Variants in TASOR observed in about 807,000 individuals in gnomAD.
TASOR encodes the protein protein TASOR.
A neutral mutation model predicts 178.6 loss-of-function variants in TASOR; 53 were observed. The ratio of observed to expected loss-of-function variants is 0.30; its 90% CI spans 0.24 to 0.37. The LOEUF (loss-of-function observed/expected upper bound fraction) is 0.37. TASOR is among the 10% of genes least tolerant of loss of function. The probability of loss-of-function intolerance (pLI) is 1.00; values close to 1 mark genes in which losing one functional copy is unlikely to be tolerated. For synonymous variants in TASOR, 713 were observed against 696.2 expected (o/e 1.02, Z -0.38); for missense variants, 1,815 against 1,971.4 (o/e 0.92, Z 1.50).
chr3:56,655,692 G>A (rs2077455218), intron 11 of TASOR, among the ~76,000 whole-genome samples: 1 of 152,030 alleles, frequency 6.6e-6, no homozygotes, highest in African/African-American at 2.4e-5. Context: ...AGGCTGAGGT[G>A]GGAGAATCAC....
intron 13 of TASOR, among the ~76,000 whole-genome samples, chr3:56,648,159 G>A (rs186176144): frequency 4.6e-5 from 7 of 151,814 alleles, no homozygotes; most frequent in East Asian, 3.9e-4. Context: ...TGTATGTAGT[G>A]AGCCATGATC....
Position 56,624,546 on chromosome 3 carries a change from A to G in TASOR, c.4416T>C (p.Tyr1472=). ...GGTTTTCTTCTGTGATTGAATTGTGATAGCCCACAAGATTTTTAAAGTTTT... is the reference window on the plus strand; with the variant it reads ...GGTTTTCTTCTGTGATTGAATTGTGGTAGCCCACAAGATTTTTAAAGTTTT... ...FMQNFKNLVG[Y]HNSITEENLP... The change falls in exon 23 of 24, where the codon TAT becomes TAC. Residue 1472 remains tyrosine (Y), a synonymous_variant. Transcript: ENST00000683822. 1 of 1,614,118 alleles carries G rather than the reference A, an allele frequency of 6.2e-7. No individual in the cohort carries two copies. The highest frequency in any genetic ancestry group is 8.5e-7 in the Non-Finnish European group (1 of 1,179,980).
intron 20 of TASOR, 147 bp from the exon 21 acceptor site, chr3:56,627,292 T>C (rs2029464): frequency 1.6e-6 from 1 of 625,750 alleles, no homozygotes; most frequent in Non-Finnish European, 2.8e-6. Context: ...GAGACAGATC[T>C]ATACATGCCT....
intron 11 of TASOR, among the ~76,000 whole-genome samples, chr3:56,655,299 A>C (rs2077446508): frequency 6.6e-6 from 1 of 152,182 alleles, no homozygotes; most frequent in Non-Finnish European, 1.5e-5. Context: ...TGGAAAAAGA[A>C]GTAGTATATA....
Position 56,668,559 on chromosome 3 carries a change from C to G in TASOR, c.736-1G>C. 2 of 1,532,246 alleles carry G rather than the reference C, an allele frequency of 1.3e-6. No homozygotes were observed. Among genetic ancestry groups the G allele is most frequent in the African/African-American group, 1.4e-5 (1 of 71,890 alleles). 94.9% of individuals were successfully genotyped at this position (1,532,246 alleles called of 1,614,324 possible). On this transcript the variant is annotated splice_acceptor_variant, in intron 5 of 23. Transcript: ENST00000683822. LOFTEE classifies it high-confidence loss of function. The stretch of plus-strand genomic sequence containing the variant: ...GGTCATATATACTCTTTATTTTACC[C>G]TAAAATAGAGAAAACCTTTTAAGTG...
chr3:56,621,708 A>C lies in TASOR; in HGVS notation c.*1329T>G. The C allele has an allele frequency of 1.2e-6, 1 of 824,656 alleles. No homozygotes were observed. The highest frequency in any genetic ancestry group is 1.9e-6 in the Non-Finnish European group (1 of 529,556). The allele number at this position is 824,656 out of a possible 1,614,324, so 51.1% of individuals were successfully genotyped here. ...CTCAACTGTATTTTTCAAATAGCCT[A>C]GATTTACTTATTTTTTTAAATGCTC... is the stretch of plus-strand genomic sequence containing the variant. On this transcript the variant is annotated 3_prime_UTR_variant, in exon 24 of 24. Coordinates refer to ENST00000683822, the MANE Select transcript of TASOR (RefSeq NM_001365635.2).
At chr3:56,661,056 A>G in intron 9 of TASOR, 39 bp from the exon 10 acceptor site, 1 of 1,375,432 alleles carries the variant, frequency 7.3e-7, no homozygotes, top group Non-Finnish European at 1.0e-6. Context: ...CCTTATCTGT[A>G]TTTTCAACTC....
At chr3:56,627,548 G>C (rs767685645) in intron 20 of TASOR, 34 bp downstream of exon 20, 2 of 1,608,324 alleles carry the variant, frequency 1.2e-6, no homozygotes, top group South Asian at 2.2e-5. Context: ...AGAGTCAGAA[G>C]AGGAGTTACG....
chr3:56,682,526 C>A (rs1410338432), intron 1 of TASOR, 150 bp downstream of exon 1: 15 of 689,542 alleles, frequency 2.2e-5, no homozygotes. Context: ...AACGCGGCAG[C>A]TGGGCGGCCG....
intron 9 of TASOR, among the ~76,000 whole-genome samples, chr3:56,661,868 TA>T (rs2077603191): frequency 6.6e-6 from 1 of 152,198 alleles, no homozygotes; most frequent in South Asian, 2.1e-4. Flanking sequence ...CTCACGCCTG[TA>T]ATCCCAACAC....
intron 1 of TASOR, among the ~76,000 whole-genome samples, chr3:56,680,573 A>AT (rs11391653): frequency 0.62 from 93,699 of 151,850 alleles, 31,518 homozygotes; most frequent in East Asian, 0.96. Context: ...CTGTTTTTGA[A>AT]TTTTTTTAAT....
chr3:56,646,326 C>A (rs1479644385), intron 14 of TASOR, among the ~76,000 whole-genome samples, 196 bp downstream of exon 14: 1 of 152,174 alleles, frequency 6.6e-6, no homozygotes, highest in Admixed American at 6.5e-5. Flanking sequence ...TCAGTGCCAA[C>A]TCTGCCATGA....
At chr3:56,640,522 A>C (rs2077099491) in intron 15 of TASOR, among the ~76,000 whole-genome samples, 1 of 152,190 alleles carries the variant, frequency 6.6e-6, no homozygotes, top group Admixed American at 6.5e-5. Flanking sequence ...TTGATTTAAA[A>C]TACAAAAGAT....
intron 1 of TASOR, among the ~76,000 whole-genome samples, chr3:56,676,652 T>G (rs1419911495): frequency 6.6e-6 from 1 of 152,246 alleles, no homozygotes; most frequent in Non-Finnish European, 1.5e-5. Context: ...ATCACATGGC[T>G]GCCAATTTCT....
intron 15 of TASOR, among the ~76,000 whole-genome samples, chr3:56,640,826 A>G (rs952115774): frequency 5.9e-5 from 9 of 152,198 alleles, no homozygotes; most frequent in Non-Finnish European, 1.2e-4. Context: ...AACATATATC[A>G]TAAATATACT....
At position 56,682,896 on chromosome 3, in the gene TASOR, G is replaced by A. The variant is rs914914891; in HGVS notation, c.111C>T (p.Ser37=). 1 of 1,539,632 alleles carries A rather than the reference G, an allele frequency of 6.5e-7. No individual in the cohort carries two copies. The highest frequency in any genetic ancestry group is 1.4e-5 in the African/African-American group (1 of 72,714). Residue 37 remains serine, a synonymous_variant, in exon 1 of 24, where the codon TCC becomes TCT. Transcript: ENST00000683822. ...GGCCGCCGCCGCCGCCATTTTGTTG[G>A]GAGGACTCAAGCTCCGGAAGCGCCT... ...MKQALPELES[S]QQNGGGGGLN...
chr3:56,680,069 G>A (rs573964411), intron 1 of TASOR, among the ~76,000 whole-genome samples: 137 of 152,226 alleles, frequency 9.0e-4, no homozygotes, highest in African/African-American at 3.2e-3. Flanking sequence ...GTTACTAACA[G>A]GTCAGGTCAA....
In TASOR at chr3:56,683,043, A is replaced by G. The variant is rs891349361; in HGVS notation, c.-37T>C. ...AAGGAGCTCTGGGAAGCTTCTGCCC[A>G]CAAGGTCGACGGGTGTGGGGGGAAG... On this transcript the variant is annotated 5_prime_UTR_variant, in exon 1 of 24. Transcript: ENST00000683822. 8 of 1,481,132 alleles carry G rather than the reference A, an allele frequency of 5.4e-6. No individual in the cohort carries two copies. Among genetic ancestry groups the G allele is most frequent in the Admixed American group, 4.7e-5 (2 of 42,258 alleles). The allele number at this position is 1,481,132 out of a possible 1,614,324, so 91.7% of individuals were successfully genotyped here. A position where few individuals can be genotyped will look rare whatever the true frequency, so the allele number is the denominator to read the frequency against.
intron 2 of TASOR, 135 bp downstream of exon 2, chr3:56,673,433 CAAAAAAAAAAAA>C (rs5849162): frequency 2.2e-4 from 42 of 194,766 alleles, no homozygotes; most frequent in Non-Finnish European, 3.3e-4. Flanking sequence ...ACTCCGTCTC[CAAAAAAAAAAAA>C]AAAAAAAAAA....
Sources: gnomAD v4.1 joint callset for allele counts (sites outside exome capture counted in the v4.1 genomes callset) on GRCh38, gnomAD v4.1.1 for gene constraint, MANE v1.5 for transcripts, NCBI Gene and HGNC (gene_info 2026-07-23, HGNC 2026-07-21) for gene names.